The following RAPGEF5 variants were observed in gnomAD, a reference collection of about 807,000 sequenced individuals.
RAPGEF5 encodes the protein M-Ras-regulated GEF.
A neutral mutation model predicts 125.2 loss-of-function variants in RAPGEF5; 65 were observed. That is an observed-to-expected ratio of 0.52 (90% CI 0.43 to 0.64). RAPGEF5 has a LOEUF of 0.64. Among genes scored for constraint, RAPGEF5 ranks in the 30% least tolerant of loss-of-function variants. The pLI, the probability that RAPGEF5 is intolerant of heterozygous loss-of-function variation, is 0.00. For synonymous variants in RAPGEF5, 391 were observed against 385.9 expected (o/e 1.01, Z -0.16); for missense variants, 958 against 1,048.1 (o/e 0.91, Z 1.19).
chr7:22,319,356 T>C (rs1562527117), intron 1 of RAPGEF5, among the ~76,000 whole-genome samples: 1 of 152,200 alleles, frequency 6.6e-6, no homozygotes, highest in Non-Finnish European at 1.5e-5. Context: ...TCTACTAAAC[T>C]TTAGTCTAAA....
chr7:22,133,916 A>C (rs1391472697), intron 23 of RAPGEF5, among the ~76,000 whole-genome samples: 1 of 152,196 alleles, frequency 6.6e-6, no homozygotes, highest in Admixed American at 6.5e-5. Context: ...CTTAATTGAT[A>C]ATCTGCAGGC....
chr7:22,165,652 G>C (rs2128114123), intron 12 of RAPGEF5, among the ~76,000 whole-genome samples: 1 of 152,206 alleles, frequency 6.6e-6, no homozygotes, highest in Middle Eastern at 3.4e-3. Flanking sequence ...ATATAGTAAA[G>C]CACTAAAAGT....
At chr7:22,211,837 T>C (rs1785512893) in intron 9 of RAPGEF5, among the ~76,000 whole-genome samples, 1 of 152,178 alleles carries the variant, frequency 6.6e-6, no homozygotes, top group Admixed American at 6.5e-5. Flanking sequence ...CTCCAGCTCC[T>C]GCACCTTCTT....
intron 25 of RAPGEF5, 81 bp downstream of exon 25, chr7:22,125,523 G>A: frequency 7.6e-7 from 1 of 1,323,800 alleles, no homozygotes; most frequent in Non-Finnish European, 1.1e-6. Context: ...TGTTTAAATT[G>A]ATTACCACCC....
chr7:22,288,199 C>G lies in RAPGEF5; in HGVS notation c.747+2976G>C, dbSNP rs185974082. Among the ~76,000 whole-genome samples, 79 of 151,606 alleles carry G rather than the reference C, an allele frequency of 5.2e-4. 1 individual carries two copies. Among genetic ancestry groups the G allele is most frequent in the Middle Eastern group, 3.4e-3 (1 of 294 alleles). Reference sequence around the variant, plus strand: ...GTTATTTCCATTTCCTCTCACTGTCCTCTAGTCTCCCTACTGCCCTCCGCC... The same window carrying G: ...GTTATTTCCATTTCCTCTCACTGTCGTCTAGTCTCCCTACTGCCCTCCGCC... On this transcript the variant is annotated intron_variant, in intron 6 of 25. Transcript: ENST00000665637.
chr7:22,315,936 G>A (rs986575986), intron 2 of RAPGEF5, among the ~76,000 whole-genome samples: 2 of 151,902 alleles, frequency 1.3e-5, no homozygotes, highest in African/African-American at 4.8e-5. Context: ...TGAACATCTC[G>A]AACCATGACA....
At chr7:22,173,717 A>G (rs1328821700) in intron 11 of RAPGEF5, among the ~76,000 whole-genome samples, 3 of 152,200 alleles carry the variant, frequency 2.0e-5, no homozygotes, top group Non-Finnish European at 4.4e-5. Flanking sequence ...CCTTTTAAAA[A>G]TGTTACTTGG....
chr7:22,170,861 A>C (rs940471205), intron 11 of RAPGEF5, among the ~76,000 whole-genome samples: 1 of 152,224 alleles, frequency 6.6e-6, no homozygotes, highest in Non-Finnish European at 1.5e-5. Flanking sequence ...AGGCTATATA[A>C]AAACAGCTCC....
At chr7:22,185,901 C>G (rs1219656558) in intron 11 of RAPGEF5, among the ~76,000 whole-genome samples, 1 of 151,790 alleles carries the variant, frequency 6.6e-6, no homozygotes, top group African/African-American at 2.4e-5. Context: ...GTTGCCCAAG[C>G]TGGACTGCAG....
intron 6 of RAPGEF5, among the ~76,000 whole-genome samples, chr7:22,274,908 G>A (rs1325816667): frequency 6.6e-6 from 1 of 152,138 alleles, no homozygotes; most frequent in Admixed American, 6.5e-5. Context: ...CTATGACAGA[G>A]TCCAATGTCT....
At position 22,125,633 on chromosome 7, in the gene RAPGEF5, G is replaced by A; in HGVS notation, c.2507C>T (p.Thr836Ile). 6.2e-7 allele frequency: 1 copy of A among 1,612,410 alleles called. No individual in the cohort carries two copies. Among genetic ancestry groups the A allele is most frequent in the Non-Finnish European group, 8.5e-7 (1 of 1,178,524 alleles). The change falls in exon 25 of 26, where the codon ACC becomes ATC. Residue 836 changes from threonine (T) to isoleucine (I), a missense_variant. Transcript: ENST00000665637. The part of the protein sequence containing the change: ...KLHMIADTVR[T>I]LRHCRTNQFG... The stretch of plus-strand genomic sequence containing the variant: ...CTGGTTAGTCCTGCAGTGTCTCAGG[G>A]TTCGGACAGTGTCTGCGATCATATG...
chr7:22,184,282 A>G (rs1326016419), intron 11 of RAPGEF5, among the ~76,000 whole-genome samples: 1 of 152,234 alleles, frequency 6.6e-6, no homozygotes, highest in African/African-American at 2.4e-5. Context: ...TCATAAAATT[A>G]AAAGTTTAAT....
At chr7:22,229,509 TATATAC>T (rs774723780) in intron 8 of RAPGEF5, among the ~76,000 whole-genome samples, 6 of 152,224 alleles carry the variant, frequency 3.9e-5, no homozygotes, top group Non-Finnish European at 8.8e-5. Flanking sequence ...CCATTAAATG[TATATAC>T]ATCAATCAAA....
At chr7:22,245,054 C>T (rs1341646026) in intron 7 of RAPGEF5, among the ~76,000 whole-genome samples, 2 of 152,174 alleles carry the variant, frequency 1.3e-5, no homozygotes, top group African/African-American at 2.4e-5. Flanking sequence ...TTTTAATTTG[C>T]ATTTCTCTCA....
At chr7:22,139,955 C>G (rs1397125980) in intron 21 of RAPGEF5, 70 bp downstream of exon 21, 4 of 1,326,856 alleles carry the variant, frequency 3.0e-6, no homozygotes, top group Non-Finnish European at 4.2e-6. Flanking sequence ...TAGTACTTAT[C>G]TCATTTAATC....
intron 5 of RAPGEF5, among the ~76,000 whole-genome samples, chr7:22,301,400 G>T (rs1021484210): frequency 3.3e-5 from 5 of 152,208 alleles, no homozygotes. Flanking sequence ...TGGATCACAA[G>T]GTCAGGAGAT....
At chr7:22,245,056 T>C (rs1215639516) in intron 7 of RAPGEF5, among the ~76,000 whole-genome samples, 1 of 152,236 alleles carries the variant, frequency 6.6e-6, no homozygotes, top group Non-Finnish European at 1.5e-5. Flanking sequence ...TTAATTTGCA[T>C]TTCTCTCATG....
At chr7:22,356,768 G>T (rs1438237563) in intron 1 of RAPGEF5, 62 bp downstream of exon 1, 2 of 941,132 alleles carry the variant, frequency 2.1e-6, no homozygotes, top group Non-Finnish European at 1.3e-6. Context: ...CGGCCCGGGG[G>T]GTGGGCGCGG....
At chr7:22,213,862 ACTACTCAC>A (rs1267211363) in intron 9 of RAPGEF5, among the ~76,000 whole-genome samples, 1 of 152,212 alleles carries the variant, frequency 6.6e-6, no homozygotes, top group African/African-American at 2.4e-5. Flanking sequence ...ATTGCTTGAA[ACTACTCAC>A]CTAGATGTAC....
Sources: gnomAD v4.1 joint callset for allele counts (sites outside exome capture counted in the v4.1 genomes callset) on GRCh38, gnomAD v4.1.1 for gene constraint, MANE v1.5 for transcripts, NCBI Gene and HGNC (gene_info 2026-07-23, HGNC 2026-07-21) for gene names.